Variants in STARD13 observed in about 807,000 individuals in gnomAD.
The protein encoded by STARD13 is stAR-related lipid transfer protein 13.
Under a neutral mutation model 106.4 loss-of-function variants are expected in STARD13, and 62 were observed. The observed-to-expected ratio is 0.58, with a 90% CI of 0.48 to 0.72. The LOEUF (loss-of-function observed/expected upper bound fraction) is 0.72. STARD13 is among the 30% of genes least tolerant of loss of function. The pLI is 0.00. For missense variants in STARD13, 1,387 were observed against 1,424.0 expected, an observed-to-expected ratio of 0.97 and a Z score of 0.42; for synonymous variants, 565 against 553.0, an observed-to-expected ratio of 1.02 and a Z score of -0.31.
At chr13:33,388,606 T>A in the STARD13 span, among the ~76,000 whole-genome samples, 1 of 152,244 alleles carries the variant, frequency 6.6e-6, no homozygotes, top group Non-Finnish European at 1.5e-5. Flanking sequence ...TCTAGAATGT[T>A]GTCATCCATT....
the STARD13 span, among the ~76,000 whole-genome samples, chr13:33,648,019 T>A: frequency 6.6e-6 from 1 of 152,230 alleles, no homozygotes; most frequent in Non-Finnish European, 1.5e-5. Context: ...TTAAGGTCTG[T>A]TTCTATGTGC....
chr13:33,670,007 C>G, the STARD13 span, among the ~76,000 whole-genome samples: 1 of 152,178 alleles, frequency 6.6e-6, no homozygotes, highest in East Asian at 1.9e-4. Context: ...CCCACAAATG[C>G]CTGAGTAACA....
chr13:33,584,904 G>A, the STARD13 span, among the ~76,000 whole-genome samples: 1 of 151,980 alleles, frequency 6.6e-6, no homozygotes, highest in Non-Finnish European at 1.5e-5. Context: ...TCTGGCCATG[G>A]CACCTCCTTT....
At chr13:33,154,320 G>A (rs1881685495) in intron 3 of STARD13, among the ~76,000 whole-genome samples, 1 of 152,140 alleles carries the variant, frequency 6.6e-6, no homozygotes, top group Non-Finnish European at 1.5e-5. Context: ...GCTGCAGCAG[G>A]AATACTGACC....
the STARD13 span, among the ~76,000 whole-genome samples, chr13:33,453,496 T>C: frequency 6.6e-6 from 1 of 152,186 alleles, no homozygotes; most frequent in Non-Finnish European, 1.5e-5. Context: ...AAAACACTGG[T>C]GATGTTGGCT....
At chr13:33,364,514 T>C in the STARD13 span, among the ~76,000 whole-genome samples, 88 of 152,334 alleles carry the variant, frequency 5.8e-4, no homozygotes, top group Non-Finnish European at 6.8e-4. Context: ...AATATTTTTT[T>C]AAATGTCCCA....
intron 4 of STARD13, among the ~76,000 whole-genome samples, chr13:33,132,772 A>G (rs556150940): frequency 2.0e-5 from 3 of 152,338 alleles, no homozygotes; most frequent in Admixed American, 1.3e-4. Context: ...AAAAAGTTGT[A>G]TAAAGCTCTG....
the STARD13 span, among the ~76,000 whole-genome samples, chr13:33,609,668 G>A: frequency 1.3e-5 from 2 of 151,352 alleles, no homozygotes; most frequent in African/African-American, 2.4e-5. Context: ...CCGGGTTCAC[G>A]TCATTCTCCT....
the STARD13 span, among the ~76,000 whole-genome samples, chr13:33,628,770 T>C: frequency 6.6e-6 from 1 of 152,216 alleles, no homozygotes; most frequent in South Asian, 2.1e-4. Context: ...ACAGAGACTT[T>C]TCAATCAGAT....
At chr13:33,405,562 C>G in the STARD13 span, among the ~76,000 whole-genome samples, 137 of 152,342 alleles carry the variant, frequency 9.0e-4, 1 homozygote, top group African/African-American at 3.2e-3. Flanking sequence ...ATATGGTCCT[C>G]CTTGTAATGT....
At chr13:33,209,484 C>A (rs9527209) in intron 1 of STARD13, among the ~76,000 whole-genome samples, 24,044 of 150,806 alleles carry the variant, frequency 0.16, 2,467 homozygotes, top group Admixed American at 0.3. Flanking sequence ...ATTCCAGGGC[C>A]TAAGAAGCCA....
chr13:33,228,440 G>GT (rs142111688), intron 1 of STARD13, among the ~76,000 whole-genome samples: 19,187 of 148,250 alleles, frequency 0.13, 1,309 homozygotes, highest in Non-Finnish European at 0.15. Flanking sequence ...CATTTACAGT[G>GT]TTTTTTTTTT....
chr13:33,485,617 C>A, the STARD13 span, among the ~76,000 whole-genome samples: 4 of 152,146 alleles, frequency 2.6e-5, no homozygotes, highest in Non-Finnish European at 5.9e-5. Context: ...GAATCTGATC[C>A]TCCAGAGGGA....
chr13:33,467,303 A>G, the STARD13 span, among the ~76,000 whole-genome samples: 539 of 152,102 alleles, frequency 3.5e-3, 2 homozygotes, highest in African/African-American at 0.013. Flanking sequence ...GGAGGGCACA[A>G]CCTAGAAACC....
the STARD13 span, among the ~76,000 whole-genome samples, chr13:33,433,219 C>T: frequency 6.6e-6 from 1 of 152,164 alleles, no homozygotes; most frequent in Non-Finnish European, 1.5e-5. Context: ...AAAGTTCCTA[C>T]TAAGTATTGT....
At chr13:33,248,508 T>C (rs553577470) in intron 1 of STARD13, among the ~76,000 whole-genome samples, 3 of 152,196 alleles carry the variant, frequency 2.0e-5, no homozygotes, top group Admixed American at 6.5e-5. Context: ...TACCTACCAG[T>C]TGGGGTCCAG....
chr13:33,454,500 C>T, the STARD13 span, among the ~76,000 whole-genome samples: 1 of 152,122 alleles, frequency 6.6e-6, no homozygotes. Context: ...TCACCATAGG[C>T]AGTTACTTAT....
At chr13:33,371,346 T>G in the STARD13 span, among the ~76,000 whole-genome samples, 1 of 152,162 alleles carries the variant, frequency 6.6e-6, no homozygotes, top group African/African-American at 2.4e-5. Flanking sequence ...CACTATGAAT[T>G]TTAGACTGAT....
intron 1 of STARD13, among the ~76,000 whole-genome samples, chr13:33,176,524 T>TG (rs1203277279): frequency 9.9e-5 from 15 of 152,248 alleles, no homozygotes; most frequent in African/African-American, 3.6e-4. Flanking sequence ...TCAAAGATAC[T>TG]GCTGAGCTTA....
Sources: gnomAD v4.1 joint callset for allele counts (sites outside exome capture counted in the v4.1 genomes callset) on GRCh38, gnomAD v4.1.1 for gene constraint, MANE v1.5 for transcripts, NCBI Gene and HGNC (gene_info 2026-07-23, HGNC 2026-07-21) for gene names.